The following FHIT variants were observed in gnomAD, a reference collection of about 807,000 sequenced individuals.
FHIT encodes the protein fragile histidine triad diadenosine triphosphatase.
Under a neutral mutation model 17.9 loss-of-function variants are expected in FHIT, and 19 were observed. The ratio of observed to expected loss-of-function variants is 1.06; its 90% confidence interval spans 0.74 to 1.56. FHIT has a LOEUF of 1.56. Ranked by LOEUF, FHIT falls within the 40% of genes most tolerant of loss-of-function variation. The pLI, the probability that FHIT is intolerant of heterozygous loss-of-function variation, is 0.00. For missense variants in FHIT, 248 were observed against 189.2 expected, an observed-to-expected ratio of 1.31 and a Z score of -1.82; for synonymous variants, 81 against 69.7, an observed-to-expected ratio of 1.16 and a Z score of -0.81.
At chr3:59,962,413 T>C (rs1472902697) in intron 7 of FHIT, among the ~76,000 whole-genome samples, 3 of 152,192 alleles carry the variant, frequency 2.0e-5, no homozygotes, top group Non-Finnish European at 4.4e-5. Context: ...ACCTATACTT[T>C]CCAGAATCAC....
intron 8 of FHIT, among the ~76,000 whole-genome samples, chr3:59,793,532 A>T (rs683908): frequency 2.0e-5 from 3 of 152,030 alleles, no homozygotes; most frequent in Non-Finnish European, 4.4e-5. Flanking sequence ...CTTCCAGACC[A>T]GTGCTCATCA....
chr3:59,764,863 A>AACACACACAC (rs57549363), intron 8 of FHIT, among the ~76,000 whole-genome samples: 16 of 145,690 alleles, frequency 1.1e-4, no homozygotes, highest in African/African-American at 4.0e-4. Flanking sequence ...GGCAACTGCA[A>AACACACACAC]ACACACACAC....
At chr3:59,946,059 G>A (rs1706786342) in intron 7 of FHIT, among the ~76,000 whole-genome samples, 1 of 152,158 alleles carries the variant, frequency 6.6e-6, no homozygotes, top group South Asian at 2.1e-4. Flanking sequence ...CTAATTCTGT[G>A]AGAAGTCACG....
At chr3:59,846,214 T>C (rs1701713750) in intron 8 of FHIT, among the ~76,000 whole-genome samples, 1 of 152,146 alleles carries the variant, frequency 6.6e-6, no homozygotes, top group Admixed American at 6.5e-5. Context: ...GATTTCTTGT[T>C]TTGATAATGA....
intron 4 of FHIT, among the ~76,000 whole-genome samples, chr3:60,811,162 T>C (rs1701560412): frequency 6.6e-6 from 1 of 152,170 alleles, no homozygotes. Context: ...CCACAGAAAT[T>C]CAGAGTATGG....
intron 5 of FHIT, among the ~76,000 whole-genome samples, chr3:60,469,147 G>C (rs2032952052): frequency 6.6e-6 from 1 of 151,952 alleles, no homozygotes; most frequent in Non-Finnish European, 1.5e-5. Context: ...TCTTATTTGG[G>C]TTAAATCTGC....
intron 7 of FHIT, among the ~76,000 whole-genome samples, chr3:59,963,475 G>GGAGA (rs140623097): frequency 2.7e-5 from 4 of 150,694 alleles, no homozygotes; most frequent in Non-Finnish European, 5.9e-5. Flanking sequence ...AGAAGGAGGA[G>GGAGA]GAGAGAGAGA....
intron 5 of FHIT, among the ~76,000 whole-genome samples, chr3:60,041,669 G>C (rs992145984): frequency 3.8e-4 from 58 of 152,312 alleles, no homozygotes; most frequent in African/African-American, 1.3e-3. Flanking sequence ...TCACAAAGCT[G>C]TCATGGGGAG....
chr3:60,918,768 A>C (rs1402980435), intron 3 of FHIT, among the ~76,000 whole-genome samples: 3 of 152,236 alleles, frequency 2.0e-5, no homozygotes, highest in African/African-American at 7.2e-5. Context: ...ATAAAGTTAT[A>C]TCTCTTTCCA....
chr3:60,494,144 ATC>A (rs2034189781), intron 5 of FHIT, among the ~76,000 whole-genome samples: 3 of 152,100 alleles, frequency 2.0e-5, no homozygotes, highest in African/African-American at 7.2e-5. Flanking sequence ...CTTTCACCAT[ATC>A]TGTTTCCAGA....
rs77971842 is a variant in FHIT, at chr3:60,458,743, C to T, written c.103+78117G>A. On this transcript the variant is annotated intron_variant, in intron 5 of 9. Transcript: ENST00000492590. ...ACAGGAGTCATACATCATTCAATTA[C>T]GTTCTTCATGATATGGGGGCTATGT... Among the ~76,000 whole-genome samples the T allele has an allele frequency of 2.9e-3, 446 of 152,080 alleles. 3 individuals are homozygous for T. Among genetic ancestry groups the T allele is most frequent in the African/African-American group, 0.01 (421 of 41,488 alleles).
At chr3:61,231,235 C>A (rs1254673510) in intron 1 of FHIT, among the ~76,000 whole-genome samples, 1 of 152,110 alleles carries the variant, frequency 6.6e-6, no homozygotes, top group East Asian at 1.9e-4. Flanking sequence ...TGGCTCATGC[C>A]TGAAACCCCA....
At chr3:60,702,921 T>G (rs1577087506) in intron 4 of FHIT, among the ~76,000 whole-genome samples, 1 of 152,338 alleles carries the variant, frequency 6.6e-6, no homozygotes, top group East Asian at 1.9e-4. Context: ...TAGAAATTTC[T>G]AATACATTTT....
intron 5 of FHIT, among the ~76,000 whole-genome samples, chr3:60,106,158 T>A (rs576550259): frequency 6.6e-6 from 1 of 152,198 alleles, no homozygotes; most frequent in Non-Finnish European, 1.5e-5. Context: ...CCAGATCAAC[T>A]GTTGTGGTAT....
intron 3 of FHIT, among the ~76,000 whole-genome samples, chr3:60,998,511 T>G (rs1160650965): frequency 6.6e-6 from 1 of 152,194 alleles, no homozygotes; most frequent in African/African-American, 2.4e-5. Flanking sequence ...TATTAAAGTC[T>G]ACTTTTATTA....
intron 5 of FHIT, among the ~76,000 whole-genome samples, chr3:60,095,324 G>A (rs571515213): frequency 2.6e-5 from 4 of 152,228 alleles, no homozygotes; most frequent in Non-Finnish European, 2.9e-5. Context: ...TCTTGAAATC[G>A]TTCCCACACA....
At chr3:60,334,079 G>A (rs188517767) in intron 5 of FHIT, among the ~76,000 whole-genome samples, 1 of 152,250 alleles carries the variant, frequency 6.6e-6, no homozygotes, top group East Asian at 1.9e-4. Context: ...CTTCTTCCTT[G>A]GCAATACTTG....
rs764017811 is a variant in FHIT, at chr3:60,200,469, T to A, written c.104-186317A>T. On this transcript the variant is annotated intron_variant, in intron 5 of 9. Coordinates refer to ENST00000492590, the MANE Select transcript of FHIT (RefSeq NM_002012.4). ...AGGACATATCCCTGGCATTTTCCTA[T>A]ACATGACCAAAATTACTTTTAGAGA... Among the ~76,000 whole-genome samples the A allele has an allele frequency of 2.4e-3, 365 of 152,264 alleles. 2 individuals carry two copies. Among genetic ancestry groups the A allele is most frequent in the Middle Eastern group, 6.8e-3 (2 of 294 alleles).
intron 5 of FHIT, among the ~76,000 whole-genome samples, chr3:60,123,864 A>G (rs990206648): frequency 1.4e-5 from 2 of 145,568 alleles, no homozygotes; most frequent in Admixed American, 1.4e-4. Context: ...ATTCTCATTC[A>G]ACCTGGAATG....
Sources: gnomAD v4.1 joint callset for allele counts (sites outside exome capture counted in the v4.1 genomes callset) on GRCh38, gnomAD v4.1.1 for gene constraint, MANE v1.5 for transcripts, NCBI Gene and HGNC (gene_info 2026-07-23, HGNC 2026-07-21) for gene names.